The following DDX42 variants were observed in gnomAD, a reference collection of about 807,000 sequenced individuals.
DDX42 encodes ATP-dependent RNA helicase DDX42.
DDX42 carries 22 observed loss-of-function variants against 101.5 expected under a neutral mutation model. The observed-to-expected ratio is 0.22, with a 90% confidence interval of 0.15 to 0.31. The LOEUF is 0.31. DDX42 is among the 10% of genes least tolerant of loss of function. The probability of loss-of-function intolerance (pLI) is 1.00; values close to 1 mark genes in which losing one functional copy is unlikely to be tolerated. For missense variants in DDX42, 849 were observed against 1,199.9 expected, an observed-to-expected ratio of 0.71 and a Z score of 4.32; for synonymous variants, 402 against 401.2, an observed-to-expected ratio of 1.00 and a Z score of -0.02.
In DDX42 at chr17:63,811,193, G is replaced by T. The variant is rs748013436; in HGVS notation, c.1398+20G>T. The T allele has an allele frequency of 5.1e-6, 8 of 1,565,834 alleles. No homozygotes were observed. In the Admixed American group the frequency reaches 1.4e-4, roughly 27 times the overall value. On this transcript the variant is annotated intron_variant, in intron 13 of 17. Coordinates refer to ENST00000389924, the MANE Select transcript of DDX42 (RefSeq NM_203499.3). ...GGAGAGGTAACCCTAAGCAGGGCTG[G>T]ATGGGACCTTAATGGGTTTATTTCT...
At chr17:63,800,110 A>G (rs2144562387) in intron 5 of DDX42, 1 of 217,954 alleles carries the variant, frequency 4.6e-6, no homozygotes, top group East Asian at 1.1e-4. Flanking sequence ...CAGGTTTGTG[A>G]CCTTTCTAAT....
At chr17:63,800,893 CTTTCTCTTTCTTTCTTTTCT>C (rs2039755288) in intron 6 of DDX42, among the ~76,000 whole-genome samples, 1 of 144,798 alleles carries the variant, frequency 6.9e-6, no homozygotes. Context: ...TCTTTTCTTT[CTTTCTCTTTCTTTCTTTTCT>C]TTCCTTCCTT....
chr17:63,810,524 C>G lies in DDX42; in HGVS notation c.1264C>G (p.Arg422Gly), dbSNP rs1331566513. The G allele has an allele frequency of 1.9e-6, 3 of 1,613,924 alleles. No homozygotes were observed. The highest frequency in any genetic ancestry group is 1.1e-5 in the South Asian group (1 of 91,056). The stretch of plus-strand genomic sequence containing the variant: ...TCTGTTTCTTGCAGAGTACCAAGTT[C>G]GATCCATAGCAAGTCATGTTCGTCC... ...MFDMGFEYQV[R>G]SIASHVRPDR... Residue 422 changes from arginine (R) to glycine (G), a missense_variant, in exon 12 of 18, where the codon CGA becomes GGA. This residue lies in a region of DDX42 where 370 missense variants were observed against 608.8 expected (regional missense o/e 0.61). Coordinates refer to ENST00000389924, the MANE Select transcript of DDX42 (RefSeq NM_203499.3).
chr17:63,817,489 G>A, intron 17 of DDX42: 1 of 548,562 alleles, frequency 1.8e-6, no homozygotes. Flanking sequence ...TCAGAACACT[G>A]GGGGTCCATC....
At chr17:63,812,355 C>A in intron 14 of DDX42, 147 bp downstream of exon 14, 1 of 904,012 alleles carries the variant, frequency 1.1e-6, no homozygotes, top group Non-Finnish European at 1.6e-6. Context: ...AAGGAAGCAG[C>A]AGTTCAGCAC....
intron 4 of DDX42, among the ~76,000 whole-genome samples, chr17:63,799,116 C>T (rs2039729634): frequency 6.6e-6 from 1 of 152,174 alleles, no homozygotes; most frequent in Non-Finnish European, 1.5e-5. Context: ...ACTCTGTCCC[C>T]ATCCCTAAGG....
chr17:63,778,379 C>T (rs2039446499), intron 1 of DDX42, among the ~76,000 whole-genome samples: 1 of 152,208 alleles, frequency 6.6e-6, no homozygotes, highest in South Asian at 2.1e-4. Context: ...AAATGTCATT[C>T]ATCTCAGAGA....
chr17:63,796,079 T>C (rs1392676370), intron 3 of DDX42, among the ~76,000 whole-genome samples: 1 of 152,208 alleles, frequency 6.6e-6, no homozygotes, highest in Non-Finnish European at 1.5e-5. Flanking sequence ...CTTTGAGATG[T>C]CTTGTATGCG....
intron 15 of DDX42, 124 bp downstream of exon 15, chr17:63,813,578 T>C (rs1414891795): frequency 6.6e-6 from 5 of 758,690 alleles, no homozygotes; most frequent in Non-Finnish European, 1.1e-5. Flanking sequence ...GTGGGGCTTA[T>C]GAGGTACAGA....
At chr17:63,797,281 G>A (rs2039704662) in intron 3 of DDX42, among the ~76,000 whole-genome samples, 2 of 151,190 alleles carry the variant, frequency 1.3e-5, no homozygotes, top group African/African-American at 4.9e-5. Context: ...GAACCTGGGA[G>A]GAGGAGGTTG....
In DDX42 at chr17:63,789,551, T is replaced by G. The variant is rs1325037914; in HGVS notation, c.221+2281T>G. Reference sequence around the variant, plus strand: ...AAAAAAAAGCTTCTAAAAGACTTTTTTGTTTTTGTTTTTGTTTTTGTTTTT... The same window carrying G: ...AAAAAAAAGCTTCTAAAAGACTTTTGTGTTTTTGTTTTTGTTTTTGTTTTT... On this transcript the variant is annotated intron_variant, in intron 2 of 17. Coordinates refer to ENST00000389924, the MANE Select transcript of DDX42 (RefSeq NM_203499.3). Among the ~76,000 whole-genome samples the G allele has an allele frequency of 4.0e-3, 76 of 18,970 alleles. 6 individuals carry two copies. The African/African-American group carries it at 0.063, about 16-fold the overall frequency. 12.4% of individuals were successfully genotyped at this position (18,970 alleles called of 152,430 possible). A position where few individuals can be genotyped will look rare whatever the true frequency, so the allele number is the denominator to read the frequency against.
At chr17:63,777,683 C>T (rs1377368991) in intron 1 of DDX42, among the ~76,000 whole-genome samples, 2 of 151,000 alleles carry the variant, frequency 1.3e-5, no homozygotes, top group Non-Finnish European at 3.0e-5. Context: ...CTCCTGACTT[C>T]GTGATCCACC....
At chr17:63,795,203 G>C (rs1380936367) in intron 3 of DDX42, among the ~76,000 whole-genome samples, 1 of 152,170 alleles carries the variant, frequency 6.6e-6, no homozygotes, top group African/African-American at 2.4e-5. Context: ...CTGTGTTTTT[G>C]TGTGGCAGAA....
At chr17:63,792,975 ATGACCTCCCTGTAGAAATTTAACC>A (rs2039647260) in intron 3 of DDX42, among the ~76,000 whole-genome samples, 1 of 152,188 alleles carries the variant, frequency 6.6e-6, no homozygotes, top group South Asian at 2.1e-4. Flanking sequence ...ATCAACATTC[ATGACCTCCCTGTAGAAATTTAACC>A]TCATGACCAC....
intron 4 of DDX42, among the ~76,000 whole-genome samples, chr17:63,799,245 A>G (rs1247983661): frequency 3.3e-5 from 5 of 152,148 alleles, no homozygotes; most frequent in Non-Finnish European, 7.4e-5. Context: ...TTTAGTATGA[A>G]ATACTTTTCA....
At position 63,818,083 on chromosome 17, in the gene DDX42, C is replaced by G. The variant is rs781775890; in HGVS notation, c.2502C>G (p.His834Gln). The G allele has an allele frequency of 6.2e-7, 1 of 1,613,774 alleles. No individual in the cohort carries two copies. The highest frequency in any genetic ancestry group is 2.2e-5 in the East Asian group (1 of 44,890). Residue 834 changes from histidine to glutamine, a missense_variant, in exon 18 of 18, where the codon CAC becomes CAG. His to Gln is a conservative substitution (Grantham distance 24, BLOSUM62 0). This residue lies in a region of DDX42 where 300 missense variants were observed against 304.9 expected (regional missense o/e 0.98). Transcript: ENST00000389924. ...TGNRHSDSPRHGDGGRHGDGY... is the reference protein window; with the variant it reads ...TGNRHSDSPRQGDGGRHGDGY... ...ATCGGCATAGCGATAGTCCACGTCA[C>G]GGAGATGGTGGTCGCCATGGAGATG...
chr17:63,808,601 G>GA (rs1418604676), intron 9 of DDX42, among the ~76,000 whole-genome samples: 2 of 152,188 alleles, frequency 1.3e-5, no homozygotes, highest in Non-Finnish European at 2.9e-5. Context: ...ATCAGGAAGA[G>GA]AAGGGGGTAA....
chr17:63,810,729 T>C (rs1225549208), intron 12 of DDX42, among the ~76,000 whole-genome samples, 169 bp downstream of exon 12: 2 of 152,196 alleles, frequency 1.3e-5, no homozygotes, highest in Non-Finnish European at 2.9e-5. Context: ...TAGCACTAGA[T>C]ATAACTTGTT....
chr17:63,787,770 G>A lies in DDX42; in HGVS notation c.221+500G>A, dbSNP rs142728262. On this transcript the variant is annotated intron_variant, in intron 2 of 17. Transcript: ENST00000389924. Reference sequence around the variant, plus strand: ...GCAGGAGAATCGCTTGAACCCGGGAGGCACAGGTTGCAGTGAGCCAAGATG... The same window carrying A: ...GCAGGAGAATCGCTTGAACCCGGGAAGCACAGGTTGCAGTGAGCCAAGATG... Among the ~76,000 whole-genome samples, 140 of 152,208 alleles carry A rather than the reference G, an allele frequency of 9.2e-4. 1 individual carries two copies. The East Asian group carries it at 0.024, about 26-fold the overall frequency.
Sources: allele counts gnomAD v4.1 joint callset (sites outside exome capture counted in the v4.1 genomes callset), GRCh38; gene constraint gnomAD v4.1.1; regional missense constraint gnomAD v4.1.1; transcripts MANE v1.5; gene names NCBI Gene and HGNC (gene_info 2026-07-23, HGNC 2026-07-21).